KLRG1: variants seen among roughly 807,000 people sequenced by gnomAD.
KLRG1 encodes the protein killer cell lectin-like receptor subfamily G member 1.
A neutral mutation model predicts 21.8 loss-of-function variants in KLRG1; 16 were observed. That is an observed-to-expected ratio of 0.73 (90% CI 0.50 to 1.11). The LOEUF is 1.11. KLRG1 is among the 50% of genes most tolerant of loss of function. KLRG1 has a pLI of 0.00. For missense variants in KLRG1, 173 were observed against 218.3 expected, an observed-to-expected ratio of 0.79 and a Z score of 1.31; for synonymous variants, 69 against 75.9, an observed-to-expected ratio of 0.91 and a Z score of 0.47.
chr12:9,153,336 A>C, the KLRG1 span: 1 of 1,613,634 alleles, frequency 6.2e-7, no homozygotes, highest in Non-Finnish European at 8.5e-7. Context: ...GAGAGCCACC[A>C]CTGTGTCCTG....
At chr12:9,120,220 G>A in the KLRG1 span, among the ~76,000 whole-genome samples, 1 of 152,136 alleles carries the variant, frequency 6.6e-6, no homozygotes, top group Non-Finnish European at 1.5e-5. Context: ...GTGTTTCCAG[G>A]AAAAATCACC....
the KLRG1 span, among the ~76,000 whole-genome samples, chr12:9,215,393 G>GA: frequency 6.6e-6 from 1 of 151,118 alleles, no homozygotes; most frequent in African/African-American, 2.4e-5. Context: ...TACTAGGACT[G>GA]AAAAAAAACT....
chr12:9,157,282 C>T, the KLRG1 span: 13 of 1,613,968 alleles, frequency 8.1e-6, no homozygotes, highest in Non-Finnish European at 1.1e-5. Flanking sequence ...GTAGACATGG[C>T]TCCCATGGGT....
the KLRG1 span, among the ~76,000 whole-genome samples, chr12:9,197,616 ATTT>A: frequency 3.1e-5 from 3 of 95,258 alleles, no homozygotes; most frequent in African/African-American, 1.3e-4. Flanking sequence ...TATATTATAT[ATTT>A]ATATATTATA....
chr12:9,104,505 T>C, the KLRG1 span: 2 of 1,219,750 alleles, frequency 1.6e-6, no homozygotes, highest in Non-Finnish European at 2.3e-6. Context: ...TGAACATGGT[T>C]CCAGGCACTG....
At chr12:9,128,169 C>A in the KLRG1 span, 2 of 198,766 alleles carry the variant, frequency 1.0e-5, no homozygotes, top group Non-Finnish European at 2.1e-5. Context: ...ATCAGTGCTG[C>A]GGGTGGCCAG....
the KLRG1 span, among the ~76,000 whole-genome samples, chr12:9,140,468 G>C: frequency 6.6e-6 from 1 of 152,162 alleles, no homozygotes; most frequent in Middle Eastern, 3.2e-3. Flanking sequence ...AAAGGGCCAC[G>C]TGTTATTTTC....
At chr12:9,037,869 A>G in the KLRG1 span, among the ~76,000 whole-genome samples, 1 of 152,204 alleles carries the variant, frequency 6.6e-6, no homozygotes. Context: ...AGGCTCTTCC[A>G]TCTAGGTTTG....
At chr12:9,012,437 G>A (rs750599741), downstream of KLRG1, among the ~76,000 whole-genome samples, 111 of 152,130 alleles carry the variant, frequency 7.3e-4, 2 homozygotes, top group Middle Eastern at 3.4e-3. Context: ...ATCACCTGCT[G>A]ACTAAAGAGC....
chr12:9,213,093 A>G, the KLRG1 span, among the ~76,000 whole-genome samples: 1 of 152,184 alleles, frequency 6.6e-6, no homozygotes. Context: ...GGCTTCTTTC[A>G]CATAGCGTGA....
chr12:9,038,646 C>G, the KLRG1 span, among the ~76,000 whole-genome samples: 3 of 152,044 alleles, frequency 2.0e-5, no homozygotes, highest in Admixed American at 2.0e-4. Flanking sequence ...AGTACCAGAG[C>G]AAGACTTTTC....
At chr12:9,115,777 C>G in the KLRG1 span, 3 of 1,613,032 alleles carry the variant, frequency 1.9e-6, no homozygotes, top group Non-Finnish European at 1.7e-6. Flanking sequence ...TTTCCAGAGA[C>G]TGAGGCGTCT....
the KLRG1 span, chr12:9,093,410 G>A: frequency 8.0e-7 from 1 of 1,244,388 alleles, no homozygotes; most frequent in South Asian, 1.2e-5. Flanking sequence ...GCAAAGAGTT[G>A]AAAATAGTCA....
chr12:9,140,588 G>A, the KLRG1 span, among the ~76,000 whole-genome samples: 2 of 152,124 alleles, frequency 1.3e-5, no homozygotes, highest in South Asian at 2.1e-4. Flanking sequence ...TGTTACCTAG[G>A]CCTTTTAAAC....
At chr12:9,144,179 GAGAGAGAC>G in the KLRG1 span, among the ~76,000 whole-genome samples, 3 of 151,264 alleles carry the variant, frequency 2.0e-5, no homozygotes, top group African/African-American at 7.4e-5. Flanking sequence ...GAGAGAGAGA[GAGAGAGAC>G]AGAGAGAGAC....
At chr12:9,212,549 C>CA in the KLRG1 span, among the ~76,000 whole-genome samples, 1 of 151,804 alleles carries the variant, frequency 6.6e-6, no homozygotes, top group Non-Finnish European at 1.5e-5. Context: ...ACAGTAGTGA[C>CA]AAAAAACATA....
the KLRG1 span, among the ~76,000 whole-genome samples, chr12:9,134,116 T>G: frequency 6.6e-6 from 1 of 152,220 alleles, no homozygotes; most frequent in African/African-American, 2.4e-5. Context: ...TCTACAGAAC[T>G]CTTCTTTCCC....
the KLRG1 span, among the ~76,000 whole-genome samples, chr12:9,088,801 C>T: frequency 2.0e-5 from 3 of 152,140 alleles, no homozygotes; most frequent in Admixed American, 6.5e-5. Context: ...ATAGCAATCC[C>T]GTTATCAAAT....
At chr12:9,182,441 T>G in the KLRG1 span, among the ~76,000 whole-genome samples, 2 of 152,254 alleles carry the variant, frequency 1.3e-5, no homozygotes, top group East Asian at 3.8e-4. Flanking sequence ...ACAACTATTT[T>G]ATTTACATTT....
Sources: allele counts gnomAD v4.1 joint callset (sites outside exome capture counted in the v4.1 genomes callset), GRCh38; gene constraint gnomAD v4.1.1; transcripts MANE v1.5; gene names NCBI Gene and HGNC (gene_info 2026-07-23, HGNC 2026-07-21).